Variants in COL6A3 observed in about 807,000 individuals in gnomAD.
COL6A3 encodes collagen alpha-3(VI) chain.
In COL6A3, 137 loss-of-function variants were observed where a neutral mutation model predicts 274.1. The ratio of observed to expected loss-of-function variants is 0.50; its 90% confidence interval spans 0.44 to 0.58. COL6A3 has a LOEUF of 0.58. Ranked by LOEUF, COL6A3 falls within the 20% of genes least tolerant of loss-of-function variation. The probability of loss-of-function intolerance (pLI) is 0.00; values close to 1 mark genes in which losing one functional copy is unlikely to be tolerated. For missense variants in COL6A3, 3,950 were observed against 4,124.9 expected, an observed-to-expected ratio of 0.96 and a Z score of 1.16; for synonymous variants, 1,650 against 1,650.6, an observed-to-expected ratio of 1.00 and a Z score of 0.01.
Position 237,345,870 on chromosome 2 carries a change from A to C in COL6A3, c.7092+633T>G, listed in dbSNP as rs570042803. ...AGCTTTCTTTTCCCTAATTCAACCA[A>C]ACTAAGCCCTGAACCTTTCCTTCTA... On this transcript the variant is annotated intron_variant, in intron 32 of 43. Coordinates refer to ENST00000295550, the MANE Select transcript of COL6A3 (RefSeq NM_004369.4). Among the ~76,000 whole-genome samples, 18 of 152,236 alleles carry C rather than the reference A, an allele frequency of 1.2e-4. No individual in the cohort carries two copies. In the East Asian group the frequency reaches 3.3e-3, roughly 28 times the overall value.
Position 237,374,305 on chromosome 2 carries a change from T to C in COL6A3, c.3679+107A>G. On this transcript the variant is annotated intron_variant, in intron 8 of 43. Coordinates refer to ENST00000295550, the MANE Select transcript of COL6A3 (RefSeq NM_004369.4). This position sits in a 1 kb window ranked among gnomAD's most constrained non-coding sequence, Gnocchi z 4.8. ...ATTTTCCTGTAATTTTAGTTTTCAC[T>C]TCACATGGCAGGAAAAGCAAAATTG... The C allele has an allele frequency of 6.5e-7, 1 of 1,527,130 alleles. No homozygotes were observed. The highest frequency in any genetic ancestry group is 8.9e-7 in the Non-Finnish European group (1 of 1,117,372). 94.6% of individuals were successfully genotyped at this position (1,527,130 alleles called of 1,614,324 possible). A position where few individuals can be genotyped will look rare whatever the true frequency, so the allele number is the denominator to read the frequency against.
In COL6A3 at chr2:237,365,734, C is replaced by T; in HGVS notation, c.5802G>A (p.Leu1934=). ...VLTEDTLKVY[L]NKFRQSSPDS... ...CCGGCGAGGACTGTCTGAACTTGTT[C>T]AGGTAGACCTTCAGGGTGTCCTCCG... The change falls in exon 12 of 44, where the codon CTG becomes CTA. Residue 1934 remains leucine (L), a synonymous_variant. Transcript: ENST00000295550. 6.2e-7 allele frequency: 1 copy of T among 1,614,196 alleles called. No homozygotes were observed. The highest frequency in any genetic ancestry group is 1.1e-5 in the South Asian group (1 of 91,068).
At position 237,369,039 on chromosome 2, in the gene COL6A3, A is replaced by C; in HGVS notation, c.4424T>G (p.Val1475Gly). 2 of 1,613,900 alleles carry C rather than the reference A, an allele frequency of 1.2e-6. No individual in the cohort carries two copies. The highest frequency in any genetic ancestry group is 1.7e-6 in the Non-Finnish European group (2 of 1,179,952). ...ATCATTGCTGAACTGCACGACCCCA[A>C]CTCTCACTTTACTGGGGCCGATGTT... is the stretch of plus-strand genomic sequence containing the variant. Reference protein sequence around the residue: ...RLNIGPSKVRVGVVQFSNDVF... With the variant: ...RLNIGPSKVRGGVVQFSNDVF... The change falls in exon 10 of 44, where the codon GTT (valine) becomes GGT (glycine). Residue 1475 changes from valine to glycine, a missense_variant. Val to Gly is a moderately radical substitution (Grantham distance 109). Coordinates refer to ENST00000295550, the MANE Select transcript of COL6A3 (RefSeq NM_004369.4).
At chr2:237,363,161 T>C in intron 14 of COL6A3, 92 bp downstream of exon 14, 2 of 1,085,266 alleles carry the variant, frequency 1.8e-6, no homozygotes, top group Middle Eastern at 2.3e-4. Flanking sequence ...CCCACCTCCA[T>C]TCACCTGCTG....
At chr2:237,347,977 G>A in intron 30 of COL6A3, 108 bp from the exon 31 acceptor site, 1 of 1,002,326 alleles carries the variant, frequency 1.0e-6, no homozygotes, top group Non-Finnish European at 1.5e-6. Context: ...CTTTTCCCGG[G>A]CAGCCAAGTG....
intron 37 of COL6A3, 59 bp downstream of exon 37, chr2:237,342,006 T>G: frequency 7.4e-7 from 1 of 1,352,008 alleles, no homozygotes; most frequent in Non-Finnish European, 1.1e-6. Context: ...CACTCTCCCA[T>G]GGATATTATG....
Position 237,366,740 on chromosome 2 carries a change from A to T in COL6A3, c.5447T>A (p.Leu1816Ter). The change falls in exon 11 of 44, where the codon TTG (leucine) becomes TAG (stop). Residue 1816 changes from leucine (L) to a stop codon, truncating the protein, a stop_gained. Transcript: ENST00000295550. LOFTEE classifies it high-confidence loss of function. Reference protein sequence around the residue: ...SELSEQVLETLHDAMHETLCP... With the variant: ...SELSEQVLET ...AAGGGTTTCATGCATCGCATCATGC[A>T]AAGTTTCCAAAACTTGCTCGCTCAG... The T allele has an allele frequency of 6.2e-7, 1 of 1,614,266 alleles. No individual in the cohort carries two copies. Among genetic ancestry groups the T allele is most frequent in the South Asian group, 1.1e-5 (1 of 91,088 alleles).
rs545403804 is a variant in COL6A3 at position 237,393,363 on chromosome 2, T to C, written c.709+1224A>G. Reference sequence around the variant, plus strand: ...CATCCCTATAGCAGCTGATCAAAAATAACTTCAATCCCTCCAAGCCCCCAA... The same window carrying C: ...CATCCCTATAGCAGCTGATCAAAAACAACTTCAATCCCTCCAAGCCCCCAA... On this transcript the variant is annotated intron_variant, in intron 3 of 43. Coordinates refer to ENST00000295550, the MANE Select transcript of COL6A3 (RefSeq NM_004369.4). Among the ~76,000 whole-genome samples, 60 of 152,272 alleles carry C rather than the reference T, an allele frequency of 3.9e-4. 1 individual carries two copies. In the South Asian group the frequency reaches 6.2e-3, roughly 16 times the overall value.
rs2077062774 is a variant in COL6A3 at position 237,344,706 on chromosome 2, T to G, written c.7312A>C (p.Asn2438His). The G allele has an allele frequency of 3.1e-6, 5 of 1,608,354 alleles. 1 individual carries two copies. In the East Asian group the frequency reaches 1.1e-4, roughly 36 times the overall value. ...GCCACCCGGGCCCCCCGTGGGCAGT[T>G]GCTCTCAGCAATGGTCAGGTCATTC... ...IVNDLTIAES[N>H]CPRGARVAVV... is the part of the protein sequence containing the mutation. The change falls in exon 36 of 44, where the codon AAC becomes CAC. Residue 2438 changes from asparagine to histidine, a missense_variant. Around this residue, in one of 5 missense-constraint regions of COL6A3, gnomAD observed 1,284 missense variants for 1,349.7 expected, o/e 0.95. Coordinates refer to ENST00000295550, the MANE Select transcript of COL6A3 (RefSeq NM_004369.4). This position sits in a 1 kb window ranked among gnomAD's most constrained non-coding sequence, Gnocchi z 4.8.
At chr2:237,369,207 T>C (rs758666537) in intron 9 of COL6A3, 30 bp from the exon 10 acceptor site, 4 of 1,602,398 alleles carry the variant, frequency 2.5e-6, no homozygotes, top group Non-Finnish European at 3.4e-6. Flanking sequence ...AAGGGAAACA[T>C]TCAGTGTGTA....
In COL6A3 at chr2:237,394,643, T is replaced by G. The variant is rs2078381421; in HGVS notation, c.653A>C (p.His218Pro). 6.2e-7 allele frequency: 1 copy of G among 1,614,114 alleles called. No homozygotes were observed. The highest frequency in any genetic ancestry group is 8.5e-7 in the Non-Finnish European group (1 of 1,180,044). The change falls in exon 3 of 44, where the codon CAT (histidine) becomes CCT (proline). Residue 218 changes from histidine (H) to proline (P), a missense_variant. Around this residue, in one of 5 missense-constraint regions of COL6A3, gnomAD observed 1,934 missense variants for 1,984.3 expected, o/e 0.97. Coordinates refer to ENST00000295550, the MANE Select transcript of COL6A3 (RefSeq NM_004369.4). ...AGCCCTTTCTGGACTCACGGATGAA[T>G]GCACACAGGACACTAAGTTTCCTAC... The part of the protein sequence containing the change: ...DIVGNLVSCV[H>P]SSVSPERAGD...
In COL6A3 at chr2:237,346,199, C is replaced by T. The variant is rs549297824; in HGVS notation, c.7092+304G>A. Among the ~76,000 whole-genome samples the T allele has an allele frequency of 2.8e-4, 43 of 152,264 alleles. 1 individual carries two copies. The South Asian group carries it at 8.3e-3, about 29-fold the overall frequency. ...TGCAAGCAAAAGGTATTTAGATTTC[C>T]CCTCTTTGGTTTCTCCTCTACACAA... On this transcript the variant is annotated intron_variant, in intron 32 of 43. Coordinates refer to ENST00000295550, the MANE Select transcript of COL6A3 (RefSeq NM_004369.4).
At chr2:237,363,590 T>C (rs1338885247) in intron 13 of COL6A3, among the ~76,000 whole-genome samples, 192 bp from the exon 14 acceptor site, 2 of 152,238 alleles carry the variant, frequency 1.3e-5, no homozygotes, top group African/African-American at 4.8e-5. Context: ...GAATAATTGT[T>C]TCCGGTATGT....
At chr2:237,377,754 A>G (rs1209491082) in intron 6 of COL6A3, among the ~76,000 whole-genome samples, 2 of 152,212 alleles carry the variant, frequency 1.3e-5, no homozygotes, top group South Asian at 2.1e-4. Flanking sequence ...TCTAGAAAAA[A>G]AAAGGGGGGG....
intron 3 of COL6A3, among the ~76,000 whole-genome samples, chr2:237,388,889 T>C (rs2078220215): frequency 6.6e-6 from 1 of 152,216 alleles, no homozygotes; most frequent in South Asian, 2.1e-4. Flanking sequence ...TGCATAAAAC[T>C]CAAATGCAGG....
intron 3 of COL6A3, among the ~76,000 whole-genome samples, chr2:237,389,045 G>C (rs2078223575): frequency 6.6e-6 from 1 of 152,096 alleles, no homozygotes. Flanking sequence ...TCCTAAACTA[G>C]TTACCTAGAA....
At chr2:237,404,802 G>A (rs1381725320) in intron 1 of COL6A3, among the ~76,000 whole-genome samples, 1 of 152,168 alleles carries the variant, frequency 6.6e-6, no homozygotes, top group East Asian at 1.9e-4. Flanking sequence ...CTTCCAGAGT[G>A]CTCAATACAA....
rs886042488 is a variant in COL6A3, at chr2:237,367,074, C to T, written c.5113G>A (p.Ala1705Thr). The T allele has an allele frequency of 1.2e-5, 19 of 1,614,074 alleles. No homozygotes were observed. The highest frequency in any genetic ancestry group is 4.5e-5 in the East Asian group (2 of 44,886). The change falls in exon 11 of 44, where the codon GCC (alanine) becomes ACC (threonine). Residue 1705 changes from alanine (A) to threonine (T), a missense_variant. Physicochemically the swap from Ala to Thr is moderately conservative, Grantham distance 58 (BLOSUM62 0). This residue lies in a region of COL6A3 where 632 missense variants were observed against 623.4 expected (regional missense o/e 1.01). Transcript: ENST00000295550. ...DFSTKRQIIDAINKVVYKGGR... is the reference protein window; with the variant it reads ...DFSTKRQIIDTINKVVYKGGR... ...CCTTTGTAGACCACTTTGTTGATGG[C>T]GTCAATAATCTGCCTCTTGGTAGAG...
Position 237,340,405 on chromosome 2 carries a change from G to T in COL6A3, c.8464+47C>A. 5 of 1,560,900 alleles carry T rather than the reference G, an allele frequency of 3.2e-6. No homozygotes were observed. The South Asian group carries it at 4.4e-5, about 14-fold the overall frequency. ...ACTGTTCCTACACTTCTCCTGGCCC[G>T]AGCATAAAGCCAGGCCAGGGCACAT... is the stretch of plus-strand genomic sequence containing the variant. On this transcript the variant is annotated intron_variant, in intron 38 of 43. Transcript: ENST00000295550.
Sources: gnomAD v4.1 joint callset for allele counts (sites outside exome capture counted in the v4.1 genomes callset) on GRCh38, gnomAD v4.1.1 for gene constraint, gnomAD v4.1.1 regional missense constraint, Gnocchi (gnomAD v3.1) non-coding constraint, MANE v1.5 for transcripts, NCBI Gene and HGNC (gene_info 2026-07-23, HGNC 2026-07-21) for gene names.